Variants in PACS2 observed in about 807,000 individuals in gnomAD.
PACS2 encodes phosphofurin acidic cluster sorting protein 2.
A neutral mutation model predicts 113.0 loss-of-function variants in PACS2; 36 were observed. That is an observed-to-expected ratio of 0.32 (90% confidence interval 0.24 to 0.42). The LOEUF (loss-of-function observed/expected upper bound fraction) is 0.42, where lower values mean the gene tolerates loss of function less well. Ranked by LOEUF, PACS2 falls within the 10% of genes least tolerant of loss-of-function variation. The pLI is 1.00. For missense variants in PACS2, 1,015 were observed against 1,239.5 expected, an observed-to-expected ratio of 0.82 and a Z score of 2.72; for synonymous variants, 589 against 536.1, an observed-to-expected ratio of 1.10 and a Z score of -1.36.
chr14:105,356,711 C>T lies in PACS2; in HGVS notation c.423+1534C>T, dbSNP rs2141061959. 6.6e-6 allele frequency among the ~76,000 whole-genome samples: 1 copy of T among 151,550 alleles called. No homozygotes were observed. The highest frequency in any genetic ancestry group is 1.9e-4 in the East Asian group (1 of 5,142). ...TGCCGGTCCCTGTGTTTCCCATTAG[C>T]CATGCAGGCGAGGTCCTGCTGATCC... is the stretch of plus-strand genomic sequence containing the variant. On this transcript the variant is annotated intron_variant, in intron 4 of 24. Transcript: ENST00000447393. The surrounding 1 kb of genome is among the most constrained non-coding windows in gnomAD (Gnocchi z 4.0).
At chr14:105,374,567 CG>C (rs2061275576) in intron 8 of PACS2, 1 of 152,190 alleles carries the variant, frequency 6.6e-6, no homozygotes, top group Non-Finnish European at 1.5e-5. Context: ...TGCCCTGACT[CG>C]CTGCTGTCCA....
chr14:105,310,533 C>CAAAAAAA (rs764203821), upstream of PACS2, among the ~76,000 whole-genome samples: 1 of 79,736 alleles, frequency 1.3e-5, no homozygotes, highest in Non-Finnish European at 2.3e-5. Context: ...GACTCTGTCT[C>CAAAAAAA]AAAAAAAAAA....
upstream of PACS2, among the ~76,000 whole-genome samples, chr14:105,311,220 C>T (rs950415636): frequency 2.0e-5 from 3 of 152,050 alleles, no homozygotes; most frequent in Admixed American, 6.6e-5. Flanking sequence ...TCCCAAAGTG[C>T]TAAGATTACA....
At chr14:105,341,941 C>T (rs587629099) in intron 1 of PACS2, among the ~76,000 whole-genome samples, 1 of 152,328 alleles carries the variant, frequency 6.6e-6, no homozygotes, top group East Asian at 1.9e-4. Context: ...CCGTAGCCTG[C>T]TGTTTTTGTG....
At chr14:105,369,380 C>T (rs587753184) in intron 7 of PACS2, among the ~76,000 whole-genome samples, 29 of 152,278 alleles carry the variant, frequency 1.9e-4, no homozygotes, top group Admixed American at 3.3e-4. Flanking sequence ...CTGAGGGTCC[C>T]GCTCACCCAG....
At chr14:105,334,775 C>G (rs2059446258) in intron 1 of PACS2, among the ~76,000 whole-genome samples, 1 of 152,282 alleles carries the variant, frequency 6.6e-6, no homozygotes. Flanking sequence ...ACACAAGTCA[C>G]TGAGCACAGA....
In PACS2 at chr14:105,391,761, C is replaced by G; in HGVS notation, c.2250C>G (p.Ser750=). 1 of 1,592,678 alleles carries G rather than the reference C, an allele frequency of 6.3e-7. No individual in the cohort carries two copies. Among genetic ancestry groups the G allele is most frequent in the Non-Finnish European group, 8.5e-7 (1 of 1,170,984 alleles). The change falls in exon 22 of 25, where the codon TCC becomes TCG. Residue 750 remains serine, a synonymous_variant. Transcript: ENST00000447393. ...CGTCGGTGAGCGGAGGCCTGTCCTCCCCCAGGTAAAGGTGCCTCACGGCTC... is the reference window on the plus strand; with the variant it reads ...CGTCGGTGAGCGGAGGCCTGTCCTCGCCCAGGTAAAGGTGCCTCACGGCTC... ...SSPSVSGGLS[S]PSQGVGAELM...
chr14:105,373,074 GAAA>G (rs1409510334), intron 8 of PACS2, among the ~76,000 whole-genome samples: 28 of 152,270 alleles, frequency 1.8e-4, no homozygotes, highest in African/African-American at 6.0e-4. Context: ...ATTTTTTAAA[GAAA>G]GAAGATATAA....
intron 1 of PACS2, among the ~76,000 whole-genome samples, chr14:105,316,892 GC>G (rs968274721): frequency 2.9e-4 from 42 of 146,374 alleles, no homozygotes; most frequent in Admixed American, 1.7e-3. Flanking sequence ...GAGTTAATGG[GC>G]GGAGGGGCGA....
chr14:105,364,288 G>T (rs1250612958), intron 4 of PACS2, among the ~76,000 whole-genome samples: 1 of 138,218 alleles, frequency 7.2e-6, no homozygotes, highest in African/African-American at 3.3e-5. Context: ...GGTGGGCGGC[G>T]GCCTGCGGGT....
At chr14:105,363,506 T>A (rs782509760) in intron 4 of PACS2, among the ~76,000 whole-genome samples, 11 of 152,178 alleles carry the variant, frequency 7.2e-5, no homozygotes, top group African/African-American at 2.7e-4. Flanking sequence ...GCTCCAAACT[T>A]CTTCTGCAGC....
Position 105,351,123 on chromosome 14 carries a change from C to G in PACS2, c.208-1255C>G, listed in dbSNP as rs587670062. Among the ~76,000 whole-genome samples the G allele has an allele frequency of 3.5e-3, 527 of 152,338 alleles. 6 individuals are homozygous for G. The highest frequency in any genetic ancestry group is 0.011 in the African/African-American group (476 of 41,578). ...CTCCAGCCACCTGGCACCTCTCATC[C>G]ACTGTGTCCCGCGCGCCGGCCTCCG... On this transcript the variant is annotated intron_variant, in intron 2 of 24. Coordinates refer to ENST00000447393, the MANE Select transcript of PACS2 (RefSeq NM_001100913.3).
rs192961904 is a variant in PACS2, at chr14:105,365,499, C to T, written c.424-1714C>T. ...CCACTACAGCCAGCTCCAGGGATCC[C>T]GGCAAAAGCATCTTTGATAAGAGGC... On this transcript the variant is annotated intron_variant, in intron 4 of 24. Transcript: ENST00000447393. This position sits in a 1 kb window ranked among gnomAD's most constrained non-coding sequence, Gnocchi z 5.1. 3.5e-3 allele frequency among the ~76,000 whole-genome samples: 536 copies of T among 152,254 alleles called. 3 individuals are homozygous for T. The highest frequency in any genetic ancestry group is 0.012 in the African/African-American group (481 of 41,560).
intron 1 of PACS2, among the ~76,000 whole-genome samples, chr14:105,337,564 A>G (rs79837827): frequency 0.016 from 2,400 of 152,340 alleles, 63 homozygotes; most frequent in African/African-American, 0.053. Context: ...GGGGAGCACC[A>G]GTGTTAACCT....
At chr14:105,320,589 C>T (rs1343280319) in intron 1 of PACS2, among the ~76,000 whole-genome samples, 1 of 152,164 alleles carries the variant, frequency 6.6e-6, no homozygotes, top group African/African-American at 2.4e-5. Context: ...GTGATCCTCT[C>T]ACCTTGGCCT....
Position 105,367,299 on chromosome 14 carries a change from G to T in PACS2, c.510G>T (p.Trp170Cys). 6.2e-7 allele frequency: 1 copy of T among 1,613,298 alleles called. No individual in the cohort carries two copies. The highest frequency in any genetic ancestry group is 1.3e-5 in the African/African-American group (1 of 75,058). The change falls in exon 5 of 25, where the codon TGG (tryptophan) becomes TGT (cysteine). Residue 170 changes from tryptophan to cysteine, a missense_variant. By Grantham distance (215) the Trp-to-Cys change is radical. Around this residue, in one of 3 missense-constraint regions of PACS2, gnomAD observed 859 missense variants for 1,056.8 expected, o/e 0.81. Transcript: ENST00000447393. Reference protein sequence around the residue: ...KEAPVKAAEIWIASLSSQPID... With the variant: ...KEAPVKAAEICIASLSSQPID... ...CCCCCGTCAAGGCGGCCGAGATCTG[G>T]ATCGCCTCCCTGTCCAGCCAGCCCA...
At chr14:105,349,339 T>G (rs2060066385) in intron 2 of PACS2, among the ~76,000 whole-genome samples, 1 of 151,958 alleles carries the variant, frequency 6.6e-6, no homozygotes, top group Admixed American at 6.5e-5. Context: ...CATACAGGAG[T>G]GTCCTTCTGT....
In PACS2 at chr14:105,324,812, C is replaced by G. The variant is rs587728896; in HGVS notation, c.119+9775C>G. Among the ~76,000 whole-genome samples, 1 of 152,152 alleles carries G rather than the reference C, an allele frequency of 6.6e-6. No individual in the cohort carries two copies. Among genetic ancestry groups the G allele is most frequent in the African/African-American group, 2.4e-5 (1 of 41,432 alleles). On this transcript the variant is annotated intron_variant, in intron 1 of 24. Coordinates refer to ENST00000447393, the MANE Select transcript of PACS2 (RefSeq NM_001100913.3). This position sits in a 1 kb window ranked among gnomAD's most constrained non-coding sequence, Gnocchi z 4.7. ...CTCTCAGGCCCGGGACATTCATGGC[C>G]GTAGCCCCAGGTCCTCTGCATGGTC...
At chr14:105,318,616 A>AGGT in intron 1 of PACS2, among the ~76,000 whole-genome samples, 1 of 150,682 alleles carries the variant, frequency 6.6e-6, no homozygotes, top group East Asian at 1.9e-4. Flanking sequence ...TGCCCGGCTA[A>AGGT]TTTTTGTATT....
Sources: allele counts gnomAD v4.1 joint callset (sites outside exome capture counted in the v4.1 genomes callset), GRCh38; gene constraint gnomAD v4.1.1; regional missense constraint gnomAD v4.1.1; non-coding constraint Gnocchi (gnomAD v3.1); transcripts MANE v1.5; gene names NCBI Gene and HGNC (gene_info 2026-07-23, HGNC 2026-07-21).